The following SSBP2 variants were observed in gnomAD, a reference collection of about 807,000 sequenced individuals.
SSBP2 encodes single-stranded DNA-binding protein 2.
In SSBP2, 17 loss-of-function variants were observed where a neutral mutation model predicts 61.8. That is an observed-to-expected ratio of 0.28 (90% CI 0.19 to 0.41). The LOEUF (loss-of-function observed/expected upper bound fraction) is 0.41. Ranked by LOEUF, SSBP2 falls within the 10% of genes least tolerant of loss-of-function variation. The pLI is 1.00. For synonymous variants in SSBP2, 139 were observed against 141.3 expected (o/e 0.98, Z 0.12); for missense variants, 310 against 458.7 (o/e 0.68, Z 2.96).
At chr5:81,664,050 A>G (rs1750911981) in intron 1 of SSBP2, among the ~76,000 whole-genome samples, 1 of 152,178 alleles carries the variant, frequency 6.6e-6, no homozygotes, top group South Asian at 2.1e-4. Context: ...TCTTGAAATT[A>G]AACTACTATA....
rs114962066 is a variant in SSBP2 at position 81,509,719 on chromosome 5, C to T, written c.372+3909G>A. On this transcript the variant is annotated intron_variant, in intron 5 of 16. Transcript: ENST00000320672. ...AGTTGAAATAGTCTGCCTAGATAAA[C>T]AGAAATGACTTGTGTATCAAATTCA... Among the ~76,000 whole-genome samples the T allele has an allele frequency of 2.7e-3, 409 of 152,192 alleles. 2 individuals are homozygous for T. Among genetic ancestry groups the T allele is most frequent in the African/African-American group, 8.6e-3 (355 of 41,514 alleles).
At chr5:81,571,059 C>CTA (rs1206685496) in intron 4 of SSBP2, among the ~76,000 whole-genome samples, 2 of 152,156 alleles carry the variant, frequency 1.3e-5, no homozygotes, top group Non-Finnish European at 2.9e-5. Flanking sequence ...TTCAGAATTC[C>CTA]TATATATGAC....
At chr5:81,614,664 C>T (rs1217457652) in intron 4 of SSBP2, among the ~76,000 whole-genome samples, 3 of 152,136 alleles carry the variant, frequency 2.0e-5, no homozygotes, top group Non-Finnish European at 2.9e-5. Flanking sequence ...CCTCAGGCTC[C>T]AGCCCCAATT....
At chr5:81,592,312 G>C (rs931985277) in intron 4 of SSBP2, among the ~76,000 whole-genome samples, 1 of 152,194 alleles carries the variant, frequency 6.6e-6, no homozygotes, top group African/African-American at 2.4e-5. Context: ...TGCCAAGTTA[G>C]TTGTTTGATT....
chr5:81,747,917 A>T (rs374552621), intron 1 of SSBP2, among the ~76,000 whole-genome samples: 10 of 152,018 alleles, frequency 6.6e-5, no homozygotes, highest in African/African-American at 2.4e-4. Context: ...GTTTTCAATC[A>T]CTCCCTCTAT....
intron 2 of SSBP2, among the ~76,000 whole-genome samples, chr5:81,645,046 T>G (rs1406566870): frequency 6.6e-6 from 1 of 152,154 alleles, no homozygotes; most frequent in Non-Finnish European, 1.5e-5. Context: ...TTTTGAACAC[T>G]TACTATAGGC....
At chr5:81,635,388 T>C (rs1748116702) in intron 3 of SSBP2, among the ~76,000 whole-genome samples, 1 of 152,140 alleles carries the variant, frequency 6.6e-6, no homozygotes, top group African/African-American at 2.4e-5. Flanking sequence ...TTGAGTTTGA[T>C]GAGTAGCTGT....
At chr5:81,587,736 TACACACACACGCACACACACGCGCGCGC>T (rs989273764) in intron 4 of SSBP2, among the ~76,000 whole-genome samples, 3 of 144,002 alleles carry the variant, frequency 2.1e-5, no homozygotes, top group African/African-American at 2.6e-5. Context: ...TCTCAAAACA[TACACACACACGCACACACACGCGCGCGC>T]ACACACACAC....
chr5:81,423,417 T>A (rs1050862380), intron 16 of SSBP2, among the ~76,000 whole-genome samples: 2 of 152,222 alleles, frequency 1.3e-5, no homozygotes, highest in Non-Finnish European at 2.9e-5. Flanking sequence ...ATACTAAGCA[T>A]TTCAGAAAGG....
At chr5:81,545,935 T>C (rs1346522263) in intron 4 of SSBP2, among the ~76,000 whole-genome samples, 4 of 152,202 alleles carry the variant, frequency 2.6e-5, no homozygotes, top group African/African-American at 9.6e-5. Context: ...GCTAGACAGA[T>C]GAAATTTCCT....
intron 4 of SSBP2, among the ~76,000 whole-genome samples, chr5:81,570,541 A>G (rs1305318175): frequency 6.6e-6 from 1 of 152,168 alleles, no homozygotes; most frequent in African/African-American, 2.4e-5. Flanking sequence ...GTGACGACCA[A>G]TCAGAGATGC....
chr5:81,591,449 C>A (rs1775494568), intron 4 of SSBP2, among the ~76,000 whole-genome samples: 1 of 152,062 alleles, frequency 6.6e-6, no homozygotes, highest in African/African-American at 2.4e-5. Flanking sequence ...CAAACAAATA[C>A]ATATAAACAC....
intron 1 of SSBP2, among the ~76,000 whole-genome samples, chr5:81,750,543 G>A (rs1333901502): frequency 3.5e-5 from 3 of 86,104 alleles, no homozygotes; most frequent in East Asian, 3.3e-4. Flanking sequence ...CCCCGACCCC[G>A]GCCGGCCCGC....
Position 81,720,336 on chromosome 5 carries a change from TC to T in SSBP2, c.62+30644del, listed in dbSNP as rs537497845. On this transcript the variant is annotated intron_variant, in intron 1 of 16. Transcript: ENST00000320672. ...ACAGAGTATTCATTCCAAATGGTCT[TC>T]CCTTGGTTTAATACTGACTGTCTGT... Among the ~76,000 whole-genome samples, 168 of 152,284 alleles carry T rather than the reference TC, an allele frequency of 1.1e-3. 1 individual carries two copies. Among genetic ancestry groups the T allele is most frequent in the Admixed American group, 7.9e-3 (121 of 15,284 alleles).
chr5:81,725,402 G>C (rs1427087442), intron 1 of SSBP2, among the ~76,000 whole-genome samples: 2 of 152,110 alleles, frequency 1.3e-5, no homozygotes, highest in Non-Finnish European at 2.9e-5. Flanking sequence ...GAACTACTAT[G>C]TACTCCTAGT....
rs550963318 is a variant in SSBP2 at position 81,526,381 on chromosome 5, G to C, written c.283-12664C>G. Among the ~76,000 whole-genome samples the C allele has an allele frequency of 1.2e-3, 183 of 151,790 alleles. 1 individual carries two copies. The Middle Eastern group carries it at 0.031, about 25-fold the overall frequency. ...TATCTCATAGTTTTTACTATTTTAGGGTGATATGCCTTCACATACTGCAGC... is the reference window on the plus strand; with the variant it reads ...TATCTCATAGTTTTTACTATTTTAGCGTGATATGCCTTCACATACTGCAGC... On this transcript the variant is annotated intron_variant, in intron 4 of 16. Transcript: ENST00000320672.
At chr5:81,647,505 AC>A (rs1210899875) in intron 2 of SSBP2, among the ~76,000 whole-genome samples, 1 of 152,004 alleles carries the variant, frequency 6.6e-6, no homozygotes, top group African/African-American at 2.4e-5. Context: ...CCATTCCCCT[AC>A]ATTGGTTATT....
intron 2 of SSBP2, among the ~76,000 whole-genome samples, chr5:81,645,503 C>T (rs1749167492): frequency 1.3e-5 from 2 of 152,168 alleles, no homozygotes; most frequent in South Asian, 4.1e-4. Context: ...CTTTATAAAA[C>T]TCTAATTCTT....
At chr5:81,515,988 T>C (rs1312875274) in intron 4 of SSBP2, among the ~76,000 whole-genome samples, 1 of 151,770 alleles carries the variant, frequency 6.6e-6, no homozygotes, top group Non-Finnish European at 1.5e-5. Flanking sequence ...GTTAATGTAA[T>C]AGGAAAAAAA....
Sources: allele counts gnomAD v4.1 joint callset (sites outside exome capture counted in the v4.1 genomes callset), GRCh38; gene constraint gnomAD v4.1.1; transcripts MANE v1.5; gene names NCBI Gene and HGNC (gene_info 2026-07-23, HGNC 2026-07-21).